Variants in SLC44A1 observed in about 807,000 individuals in gnomAD.
The protein encoded by SLC44A1 is solute carrier family 44 member 1, also known as choline transporter-like protein 1.
A neutral mutation model predicts 79.3 loss-of-function variants in SLC44A1; 26 were observed. The ratio of observed to expected loss-of-function variants is 0.33; its 90% confidence interval spans 0.24 to 0.46. The LOEUF (loss-of-function observed/expected upper bound fraction) is 0.46. Ranked by LOEUF, SLC44A1 falls within the 20% of genes least tolerant of loss-of-function variation. The probability of loss-of-function intolerance (pLI) is 1.00; values close to 1 mark genes in which losing one functional copy is unlikely to be tolerated. For synonymous variants in SLC44A1, 263 were observed against 286.2 expected (o/e 0.92, Z 0.82); for missense variants, 688 against 798.1 (o/e 0.86, Z 1.66).
chr9:105,399,104 A>G (rs544397477), downstream of SLC44A1, among the ~76,000 whole-genome samples: 160 of 152,340 alleles, frequency 1.1e-3, no homozygotes, highest in Non-Finnish European at 1.9e-3. Context: ...AAAATAAGAA[A>G]TGCTTTATGC....
intron 1 of SLC44A1, among the ~76,000 whole-genome samples, chr9:105,274,302 A>T: frequency 6.6e-6 from 1 of 152,172 alleles, no homozygotes; most frequent in Non-Finnish European, 1.5e-5. Context: ...CTGTGCCCTC[A>T]GTTTACTCAT....
At chr9:105,418,587 CCCACCCTTCCCA>C (rs1417436842) in intron 15 of SLC44A1, among the ~76,000 whole-genome samples, 1 of 152,050 alleles carries the variant, frequency 6.6e-6, no homozygotes, top group African/African-American at 2.4e-5. Context: ...TTAACTAGCC[CCCACCCTTCCCA>C]CTCCCCTGTT....
Position 105,395,531 on chromosome 9 carries a change from A to G in SLC44A1, c.*6475A>G. On this transcript the variant is annotated 3_prime_UTR_variant, in exon 16 of 16. Transcript: ENST00000374720. Reference sequence around the variant, plus strand: ...ACCGCGCCCGGCCTAGAAGAGTTTTAATGAACCTTCCACAGTAGTAAATGC... The same window carrying G: ...ACCGCGCCCGGCCTAGAAGAGTTTTGATGAACCTTCCACAGTAGTAAATGC... 1 of 985,458 alleles carries G rather than the reference A, an allele frequency of 1.0e-6. No homozygotes were observed. Among genetic ancestry groups the G allele is most frequent in the Non-Finnish European group, 1.2e-6 (1 of 829,984 alleles). The allele number at this position is 985,458 out of a possible 1,614,324, so 61.0% of individuals were successfully genotyped here. A position where few individuals can be genotyped will look rare whatever the true frequency, so the allele number is the denominator to read the frequency against.
intron 14 of SLC44A1, among the ~76,000 whole-genome samples, chr9:105,383,977 T>A (rs1828553398): frequency 6.6e-6 from 1 of 152,200 alleles, no homozygotes; most frequent in African/African-American, 2.4e-5. Flanking sequence ...ATTAAATGGT[T>A]TAAGTACTGT....
At chr9:105,289,613 G>A (rs1830556851) in intron 1 of SLC44A1, among the ~76,000 whole-genome samples, 1 of 152,102 alleles carries the variant, frequency 6.6e-6, no homozygotes, top group African/African-American at 2.4e-5. Context: ...TGCCACTGTC[G>A]TAGAACTGAA....
In SLC44A1 at chr9:105,391,816, C is replaced by T; in HGVS notation, c.*2760C>T. 5.1e-6 allele frequency: 5 copies of T among 984,886 alleles called. No individual in the cohort carries two copies. The South Asian group carries it at 2.4e-4, about 46-fold the overall frequency. The allele number at this position is 984,886 out of a possible 1,614,324, so 61.0% of individuals were successfully genotyped here. On this transcript the variant is annotated 3_prime_UTR_variant, in exon 16 of 16. Coordinates refer to ENST00000374720, the MANE Select transcript of SLC44A1 (RefSeq NM_080546.5). ...TGGATACCCGAATAATTTCATAAAT[C>T]ATTGATTCTATGTGGTGGTTTTTGT...
downstream of SLC44A1, among the ~76,000 whole-genome samples, chr9:105,399,364 C>G (rs1335443330): frequency 6.6e-6 from 1 of 152,228 alleles, no homozygotes; most frequent in Non-Finnish European, 1.5e-5. Context: ...GGCTTTCAGT[C>G]AATCTCAGGT....
intron 12 of SLC44A1, among the ~76,000 whole-genome samples, chr9:105,372,318 T>A (rs184160042): frequency 2.4e-3 from 361 of 152,260 alleles, no homozygotes; most frequent in Middle Eastern, 3.4e-3. Context: ...AGATGGAGTC[T>A]CACTCTGTGG....
chr9:105,425,531 G>A (rs1249012480), intron 15 of SLC44A1, among the ~76,000 whole-genome samples: 1 of 152,078 alleles, frequency 6.6e-6, no homozygotes, highest in Non-Finnish European at 1.5e-5. Flanking sequence ...AGAGAGAACT[G>A]TATATTTGGG....
rs748821711 is a variant in SLC44A1 at position 105,358,331 on chromosome 9, A to G, written c.671-13A>G. ...TCAAATAATATTCTATATGTTCTCT[A>G]TCTTCCCTGCAGTTCTATCCATGAT... On this transcript the variant is annotated splice_polypyrimidine_tract_variant and intron_variant, in intron 6 of 15. Coordinates refer to ENST00000374720, the MANE Select transcript of SLC44A1 (RefSeq NM_080546.5). 9 of 1,384,030 alleles carry G rather than the reference A, an allele frequency of 6.5e-6. No individual in the cohort carries two copies. In the South Asian group the frequency reaches 7.1e-5, roughly 11 times the overall value. The allele number at this position is 1,384,030 out of a possible 1,614,324, so 85.7% of individuals were successfully genotyped here.
At chr9:105,322,236 A>G (rs907954238) in intron 3 of SLC44A1, among the ~76,000 whole-genome samples, 2 of 152,196 alleles carry the variant, frequency 1.3e-5, no homozygotes, top group African/African-American at 4.8e-5. Flanking sequence ...GGGTTTCACC[A>G]TGGGTTGGAT....
At chr9:105,370,332 C>T (rs893216272) in intron 12 of SLC44A1, among the ~76,000 whole-genome samples, 2 of 152,158 alleles carry the variant, frequency 1.3e-5, no homozygotes, top group Non-Finnish European at 2.9e-5. Flanking sequence ...ATCTTCCTAC[C>T]TTGGGAGTGA....
chr9:105,332,515 T>G (rs1826783976), intron 3 of SLC44A1, among the ~76,000 whole-genome samples: 1 of 152,228 alleles, frequency 6.6e-6, no homozygotes, highest in South Asian at 2.1e-4. Flanking sequence ...TGTGTATTTC[T>G]TATTCAAATA....
At chr9:105,374,183 A>T (rs1460422302) in intron 12 of SLC44A1, among the ~76,000 whole-genome samples, 1 of 152,220 alleles carries the variant, frequency 6.6e-6, no homozygotes, top group African/African-American at 2.4e-5. Context: ...ATAAAACACC[A>T]TAGCAATCTG....
intron 1 of SLC44A1, among the ~76,000 whole-genome samples, chr9:105,253,397 T>G (rs976518572): frequency 1.1e-4 from 16 of 152,162 alleles, no homozygotes; most frequent in African/African-American, 3.9e-4. Flanking sequence ...TCTCAGAAAA[T>G]TCTTCATTTT....
chr9:105,405,503 T>C (rs892353907), intron 15 of SLC44A1, among the ~76,000 whole-genome samples: 2 of 152,130 alleles, frequency 1.3e-5, no homozygotes, highest in Non-Finnish European at 2.9e-5. Context: ...TAAAGACATT[T>C]CAGTAAGAGC....
chr9:105,353,034 C>G (rs1381312541), intron 5 of SLC44A1, among the ~76,000 whole-genome samples: 1 of 151,868 alleles, frequency 6.6e-6, no homozygotes, highest in African/African-American at 2.4e-5. Context: ...AATAATGTGC[C>G]TATATATTAT....
At chr9:105,303,432 A>G (rs1027816782) in intron 2 of SLC44A1, among the ~76,000 whole-genome samples, 3 of 152,138 alleles carry the variant, frequency 2.0e-5, no homozygotes, top group Non-Finnish European at 4.4e-5. Context: ...TGGCCCTAAC[A>G]AGAGTGCTTA....
chr9:105,284,428 A>C (rs1830429624), intron 1 of SLC44A1, among the ~76,000 whole-genome samples: 1 of 151,984 alleles, frequency 6.6e-6, no homozygotes, highest in South Asian at 2.1e-4. Context: ...TTGTCACGTG[A>C]GTCCTTTGAT....
Sources: allele counts gnomAD v4.1 joint callset (sites outside exome capture counted in the v4.1 genomes callset), GRCh38; gene constraint gnomAD v4.1.1; transcripts MANE v1.5; gene names NCBI Gene and HGNC (gene_info 2026-07-23, HGNC 2026-07-21).